Variants in NUDCD1 observed in about 807,000 individuals in gnomAD.
The protein encoded by NUDCD1 is nudC domain-containing protein 1.
A neutral mutation model predicts 67.8 loss-of-function variants in NUDCD1; 60 were observed. That is an observed-to-expected ratio of 0.88 (90% CI 0.72 to 1.10). NUDCD1 has a LOEUF of 1.10. Ranked by LOEUF, NUDCD1 falls within the 50% of genes least tolerant of loss-of-function variation. NUDCD1 has a pLI of 0.00. For synonymous variants in NUDCD1, 244 were observed against 230.8 expected, an observed-to-expected ratio of 1.06 and a Z score of -0.52; for missense variants, 643 against 695.0, an observed-to-expected ratio of 0.93 and a Z score of 0.84.
chr8:109,262,707 C>A (rs1421791845), intron 8 of NUDCD1, among the ~76,000 whole-genome samples: 3 of 152,072 alleles, frequency 2.0e-5, no homozygotes, highest in African/African-American at 7.2e-5. Flanking sequence ...AGCTGTAATT[C>A]ATTCATTTGC....
chr8:109,313,042 C>A (rs1444784169), intron 2 of NUDCD1, among the ~76,000 whole-genome samples: 1 of 152,208 alleles, frequency 6.6e-6, no homozygotes, highest in African/African-American at 2.4e-5. Flanking sequence ...AATTTCCTGA[C>A]AGTATTCAAT....
intron 7 of NUDCD1, among the ~76,000 whole-genome samples, chr8:109,271,785 AGAG>A (rs1770020104): frequency 6.6e-6 from 1 of 152,150 alleles, no homozygotes; most frequent in South Asian, 2.1e-4. Context: ...AAAAGCAGAC[AGAG>A]GAGGAAAAGA....
rs191925613 is a variant in NUDCD1, at chr8:109,285,763, C to T, written c.823+3988G>A. Among the ~76,000 whole-genome samples, 719 of 152,164 alleles carry T rather than the reference C, an allele frequency of 4.7e-3. 5 individuals are homozygous for T. Among genetic ancestry groups the T allele is most frequent in the Middle Eastern group, 0.024 (7 of 294 alleles). The stretch of plus-strand genomic sequence containing the variant: ...TGAGAACTGAAACAAGAAAAGCATG[C>T]TTACTCTTACTGCTCCTATTCAACA... On this transcript the variant is annotated intron_variant, in intron 5 of 9. Coordinates refer to ENST00000239690, the MANE Select transcript of NUDCD1 (RefSeq NM_032869.4).
chr8:109,329,087 G>C (rs1376021410), intron 1 of NUDCD1, among the ~76,000 whole-genome samples: 1 of 149,266 alleles, frequency 6.7e-6, no homozygotes, highest in African/African-American at 2.5e-5. Context: ...CAATGTCCAA[G>C]ATGAAAAATA....
chr8:109,284,008 CAA>C (rs1814518005), intron 5 of NUDCD1, among the ~76,000 whole-genome samples: 1 of 129,112 alleles, frequency 7.7e-6, no homozygotes, highest in African/African-American at 3.4e-5. Context: ...AAAAAAAAAA[CAA>C]AACAAAAACA....
intron 2 of NUDCD1, among the ~76,000 whole-genome samples, chr8:109,311,868 T>G (rs1174928546): frequency 6.6e-6 from 1 of 151,828 alleles, no homozygotes; most frequent in Non-Finnish European, 1.5e-5. Context: ...TACCAAAATC[T>G]CACAAATCAC....
chr8:109,281,652 T>A (rs1181665997), intron 5 of NUDCD1, among the ~76,000 whole-genome samples: 2 of 152,152 alleles, frequency 1.3e-5, no homozygotes, highest in Admixed American at 6.6e-5. Flanking sequence ...ACTTTTAGTA[T>A]AAATTAAAGG....
At chr8:109,251,164 ATTTCTTTTTTTTTT>A (rs1409094559) in intron 8 of NUDCD1, among the ~76,000 whole-genome samples, 3 of 143,732 alleles carry the variant, frequency 2.1e-5, no homozygotes, top group South Asian at 2.2e-4. Flanking sequence ...GGTCTCATCT[ATTTCTTTTTTTTTT>A]TTTCTTTTTT....
intron 8 of NUDCD1, among the ~76,000 whole-genome samples, chr8:109,263,293 T>C (rs1813915016): frequency 6.6e-6 from 1 of 152,088 alleles, no homozygotes; most frequent in African/African-American, 2.4e-5. Flanking sequence ...GCAAAATGTT[T>C]ATGACAACAA....
At chr8:109,277,372 A>G (rs1277483434) in intron 6 of NUDCD1, among the ~76,000 whole-genome samples, 2 of 152,104 alleles carry the variant, frequency 1.3e-5, no homozygotes, top group Non-Finnish European at 2.9e-5. Flanking sequence ...TAATTTCCAA[A>G]CCATCATTAA....
intron 7 of NUDCD1, among the ~76,000 whole-genome samples, chr8:109,273,528 C>T (rs1814207830): frequency 6.6e-6 from 1 of 151,876 alleles, no homozygotes; most frequent in African/African-American, 2.4e-5. Flanking sequence ...AAATATATCC[C>T]CGGTAAACAA....
intron 2 of NUDCD1, among the ~76,000 whole-genome samples, chr8:109,297,608 CAG>C (rs1461434216): frequency 2.6e-5 from 4 of 152,180 alleles, no homozygotes; most frequent in African/African-American, 4.8e-5. Context: ...ATCTTAGAAG[CAG>C]AGACTGAACC....
intron 8 of NUDCD1, among the ~76,000 whole-genome samples, chr8:109,253,152 T>G (rs1813658728): frequency 6.6e-6 from 1 of 152,220 alleles, no homozygotes; most frequent in African/African-American, 2.4e-5. Flanking sequence ...CTCGAACAGA[T>G]GCTTCCCATA....
At chr8:109,318,298 T>C (rs568524139) in intron 2 of NUDCD1, among the ~76,000 whole-genome samples, 1 of 152,360 alleles carries the variant, frequency 6.6e-6, no homozygotes, top group East Asian at 1.9e-4. Flanking sequence ...GTCATCTGAC[T>C]TCGAGTCAGA....
At chr8:109,306,177 TA>T (rs1457534799) in intron 2 of NUDCD1, among the ~76,000 whole-genome samples, 2 of 152,216 alleles carry the variant, frequency 1.3e-5, no homozygotes, top group Non-Finnish European at 2.9e-5. Flanking sequence ...CAAACTATCG[TA>T]GTGGATATCC....
chr8:109,243,383 T>TGCAATG (rs1813421392), intron 9 of NUDCD1, 82 bp from the exon 10 acceptor site: 1 of 1,168,696 alleles, frequency 8.6e-7, no homozygotes. Context: ...TTTAATATTT[T>TGCAATG]GCAATGTTTA....
chr8:109,285,255 T>C (rs1394294535), intron 5 of NUDCD1, among the ~76,000 whole-genome samples: 1 of 148,860 alleles, frequency 6.7e-6, no homozygotes, highest in African/African-American at 2.4e-5. Flanking sequence ...CCGGTACCAA[T>C]TCTACTGAAA....
At chr8:109,255,674 C>T (rs2926208) in intron 8 of NUDCD1, among the ~76,000 whole-genome samples, 92,868 of 140,990 alleles carry the variant, frequency 0.66, 31,098 homozygotes, top group African/African-American at 0.85. Flanking sequence ...GAAAGTTCCA[C>T]ACAGAAAAAA....
intron 2 of NUDCD1, among the ~76,000 whole-genome samples, chr8:109,321,770 G>C (rs950581290): frequency 6.6e-6 from 1 of 151,694 alleles, no homozygotes; most frequent in African/African-American, 2.4e-5. Flanking sequence ...CTGATAAATA[G>C]AAAAAGCATA....
Sources: allele counts gnomAD v4.1 joint callset (sites outside exome capture counted in the v4.1 genomes callset), GRCh38; gene constraint gnomAD v4.1.1; transcripts MANE v1.5; gene names NCBI Gene and HGNC (gene_info 2026-07-23, HGNC 2026-07-21).